Variants in JKAMP observed in about 807,000 individuals in gnomAD.
JKAMP encodes JNK1/MAPK8-associated membrane protein.
In JKAMP, 20 loss-of-function variants were observed where a neutral mutation model predicts 40.2. That is an observed-to-expected ratio of 0.50 (90% confidence interval 0.35 to 0.72). The LOEUF is 0.72. Among genes scored for constraint, JKAMP ranks in the 30% least tolerant of loss-of-function variants. JKAMP has a pLI of 0.01. For missense variants in JKAMP, 276 were observed against 373.0 expected (o/e 0.74, Z 2.14); for synonymous variants, 138 against 131.6 (o/e 1.05, Z -0.33).
intron 3 of JKAMP, among the ~76,000 whole-genome samples, chr14:59,492,945 C>CT (rs373694972): frequency 2.6e-5 from 4 of 151,856 alleles, no homozygotes; most frequent in African/African-American, 7.3e-5. Context: ...CTACAGGCGC[C>CT]TGCCACCACG....
intron 3 of JKAMP, among the ~76,000 whole-genome samples, chr14:59,494,116 A>G (rs1419024486): frequency 9.9e-6 from 1 of 100,506 alleles, no homozygotes; most frequent in Non-Finnish European, 1.9e-5. Flanking sequence ...TTAGAAGAAA[A>G]TTTGGGTGTG....
chr14:59,494,964 AG>A, intron 3 of JKAMP, 53 bp from the exon 4 acceptor site: 1 of 1,254,172 alleles, frequency 8.0e-7, no homozygotes, highest in East Asian at 2.3e-5. Context: ...GTTTTATTAA[AG>A]CCATTTAAAT....
At chr14:59,502,773 T>TTTTTTTTTTTTTTTTTTTTTTTTG (rs796697193) in intron 6 of JKAMP, among the ~76,000 whole-genome samples, 15 of 102,826 alleles carry the variant, frequency 1.5e-4, no homozygotes, top group East Asian at 2.8e-4. Context: ...TTTTTTTTTT[T>TTTTTTTTTTTTTTTTTTTTTTTTG]CGGAGTCTCA....
intron 3 of JKAMP, among the ~76,000 whole-genome samples, chr14:59,489,230 A>T (rs549125333): frequency 6.6e-6 from 1 of 152,322 alleles, no homozygotes; most frequent in South Asian, 2.1e-4. Flanking sequence ...CTTTGCTCCC[A>T]CATCTATCTG....
At chr14:59,501,101 C>A in intron 5 of JKAMP, 90 bp from the exon 6 acceptor site, 2 of 826,572 alleles carry the variant, frequency 2.4e-6, no homozygotes, top group Non-Finnish European at 3.8e-6. Flanking sequence ...AAGGATTTGA[C>A]TCTAAGGAAA....
At chr14:59,487,646 C>T in intron 2 of JKAMP, 28 bp from the exon 3 acceptor site, 1 of 1,559,664 alleles carries the variant, frequency 6.4e-7, no homozygotes, top group Non-Finnish European at 8.8e-7. Context: ...AATATCTGTA[C>T]ACAAAATATT....
At chr14:59,495,284 A>G in intron 4 of JKAMP, 60 bp downstream of exon 4, 2 of 1,330,014 alleles carry the variant, frequency 1.5e-6, no homozygotes, top group Non-Finnish European at 1.1e-6. Context: ...GGATTATTAT[A>G]GATTTTATGG....
chr14:59,493,963 GT>G (rs1438796217), intron 3 of JKAMP, among the ~76,000 whole-genome samples: 2 of 152,144 alleles, frequency 1.3e-5, no homozygotes, highest in African/African-American at 4.8e-5. Flanking sequence ...GTGGGAAGGA[GT>G]ACCTGTTCAG....
rs1287935585 is a variant in JKAMP at position 59,487,439 on chromosome 14, A to C, written c.97-235A>C. ...ATAACTAGGTTTTTCATTGAATGTT[A>C]GTCAACTATTTTAGTAACTTAGTAA... is the stretch of plus-strand genomic sequence containing the variant. On this transcript the variant is annotated intron_variant, in intron 2 of 6. Coordinates refer to ENST00000616435, the MANE Select transcript of JKAMP (RefSeq NM_016475.5). The C allele has an allele frequency of 2.2e-5, 8 of 358,156 alleles. No homozygotes were observed. In the East Asian group the frequency reaches 3.5e-4, roughly 16 times the overall value. 22.2% of individuals were successfully genotyped at this position (358,156 alleles called of 1,614,324 possible).
chr14:59,505,252 G>A lies in JKAMP; in HGVS notation c.*1180G>A, dbSNP rs147187247. The A allele has an allele frequency of 2.5e-4, 371 of 1,491,426 alleles. 1 individual carries two copies. The African/African-American group carries it at 4.6e-3, about 19-fold the overall frequency. The allele number at this position is 1,491,426 out of a possible 1,614,324, so 92.4% of individuals were successfully genotyped here. A position where few individuals can be genotyped will look rare whatever the true frequency, so the allele number is the denominator to read the frequency against. ...TGTATCCTTGAGTTACTTTGTTAAT[G>A]TATTTTTCTCAGTACATTTAACCAC... On this transcript the variant is annotated 3_prime_UTR_variant, in exon 7 of 7. Coordinates refer to ENST00000616435, the MANE Select transcript of JKAMP (RefSeq NM_016475.5).
rs1165129826 is a variant in JKAMP, at chr14:59,484,727, C to G, written c.4+134C>G. On this transcript the variant is annotated intron_variant, in intron 1 of 6. Transcript: ENST00000616435. Reference sequence around the variant, plus strand: ...AGGCTCGCCCCTTGACCCCGCCCGCCCTCGGGCCGGGCTCCGCACTCCTGC... The same window carrying G: ...AGGCTCGCCCCTTGACCCCGCCCGCGCTCGGGCCGGGCTCCGCACTCCTGC... 6 of 1,188,242 alleles carry G rather than the reference C, an allele frequency of 5.0e-6. No individual in the cohort carries two copies. In the East Asian group the frequency reaches 1.5e-4, roughly 30 times the overall value. The allele number at this position is 1,188,242 out of a possible 1,614,324, so 73.6% of individuals were successfully genotyped here.
chr14:59,495,340 A>G (rs886742023), intron 4 of JKAMP, 116 bp downstream of exon 4: 3 of 703,476 alleles, frequency 4.3e-6, no homozygotes, highest in Non-Finnish European at 7.3e-6. Context: ...TGGGTCTGCC[A>G]GCGGCTTTAT....
Position 59,487,757 on chromosome 14 carries a change from T to C in JKAMP, c.180T>C (p.Tyr60=). ...TESPELYDWL[Y]LGFMAMLPLV... ...CTCCTGAACTTTATGATTGGCTCTATCTTGGATTTATGGCAATGCTTCCTC... is the reference window on the plus strand; with the variant it reads ...CTCCTGAACTTTATGATTGGCTCTACCTTGGATTTATGGCAATGCTTCCTC... Residue 60 remains tyrosine (Y), a synonymous_variant, in exon 3 of 7, where the codon TAT becomes TAC. Transcript: ENST00000616435. The C allele has an allele frequency of 1.9e-6, 3 of 1,613,362 alleles. No homozygotes were observed. Among genetic ancestry groups the C allele is most frequent in the Non-Finnish European group, 2.5e-6 (3 of 1,179,402 alleles).
chr14:59,490,213 T>C (rs1890887817), intron 3 of JKAMP, among the ~76,000 whole-genome samples: 1 of 152,198 alleles, frequency 6.6e-6, no homozygotes, highest in South Asian at 2.1e-4. Flanking sequence ...TGAGCCACCA[T>C]GCCCAGCCAC....
chr14:59,496,627 AATTT>A, intron 4 of JKAMP, among the ~76,000 whole-genome samples: 1 of 152,268 alleles, frequency 6.6e-6, no homozygotes, highest in South Asian at 2.1e-4. Context: ...AGTCACTTCT[AATTT>A]ATTGTAGCAC....
At chr14:59,492,947 G>A (rs1308089093) in intron 3 of JKAMP, among the ~76,000 whole-genome samples, 15 of 151,904 alleles carry the variant, frequency 9.9e-5, no homozygotes, top group African/African-American at 3.4e-4. Context: ...ACAGGCGCCT[G>A]CCACCACGCC....
chr14:59,503,377 T>C (rs1273594059), intron 6 of JKAMP, among the ~76,000 whole-genome samples: 1 of 152,220 alleles, frequency 6.6e-6, no homozygotes, highest in African/African-American at 2.4e-5. Context: ...AATCAGAGTG[T>C]TCATGTGTCA....
rs763774615 is a variant in JKAMP, at chr14:59,486,743, T to G, written c.35T>G (p.Leu12Arg). Residue 12 changes from leucine (L) to arginine (R), a missense_variant, in exon 2 of 7, where the codon CTT becomes CGT. By Grantham distance (102) the Leu-to-Arg change is moderately radical (BLOSUM62 -2). Transcript: ENST00000616435. ...GATATTCAACCAGCATGCCTTGGAC[T>G]TTATTGTGGGAAGACCCTATTATTT... ...AVDIQPACLG[L>R]YCGKTLLFKN... is the part of the protein sequence containing the mutation. 5.6e-6 allele frequency: 9 copies of G among 1,595,188 alleles called. No individual in the cohort carries two copies. The highest frequency in any genetic ancestry group is 5.2e-5 in the Admixed American group (3 of 57,654).
In JKAMP at chr14:59,497,143, G is replaced by A. The variant is rs185151829; in HGVS notation, c.459-1584G>A. On this transcript the variant is annotated intron_variant, in intron 4 of 6. Coordinates refer to ENST00000616435, the MANE Select transcript of JKAMP (RefSeq NM_016475.5). ...TCTTACAAATTGAAAAATACCACAG[G>A]ACTTTACTGATAATTATAGTTTTAA... Among the ~76,000 whole-genome samples the A allele has an allele frequency of 3.9e-3, 588 of 151,952 alleles. 3 individuals carry two copies. Among genetic ancestry groups the A allele is most frequent in the African/African-American group, 0.013 (551 of 41,428 alleles).
Sources: gnomAD v4.1 joint callset for allele counts (sites outside exome capture counted in the v4.1 genomes callset) on GRCh38, gnomAD v4.1.1 for gene constraint, MANE v1.5 for transcripts, NCBI Gene and HGNC (gene_info 2026-07-23, HGNC 2026-07-21) for gene names.